Variants in USH2A observed in about 807,000 individuals in gnomAD.
USH2A encodes the protein usherin.
Under a neutral mutation model 538.9 loss-of-function variants are expected in USH2A, and 443 were observed. The observed-to-expected ratio is 0.82, with a 90% CI of 0.76 to 0.89. The LOEUF (loss-of-function observed/expected upper bound fraction) is 0.89, where lower values mean the gene tolerates loss of function less well. Ranked by LOEUF, USH2A falls within the 40% of genes least tolerant of loss-of-function variation. The pLI, the probability that USH2A is intolerant of heterozygous loss-of-function variation, is 0.00. For missense variants in USH2A, 6,633 were observed against 6,324.8 expected, an observed-to-expected ratio of 1.05 and a Z score of -1.65; for synonymous variants, 2,413 against 2,273.5, an observed-to-expected ratio of 1.06 and a Z score of -1.75.
At chr1:216,071,213 TCTC>T (rs2031547177) in intron 29 of USH2A, among the ~76,000 whole-genome samples, 1 of 151,954 alleles carries the variant, frequency 6.6e-6, no homozygotes, top group Non-Finnish European at 1.5e-5. Context: ...CCACATCAAA[TCTC>T]CTCCTCTCCG....
At chr1:215,787,127 T>C (rs984028100) in intron 51 of USH2A, among the ~76,000 whole-genome samples, 9 of 152,212 alleles carry the variant, frequency 5.9e-5, no homozygotes, top group African/African-American at 2.2e-4. Flanking sequence ...GCAAGTCACT[T>C]ATGTTTTCAA....
At chr1:216,346,549 G>A (rs548392939) in intron 4 of USH2A, among the ~76,000 whole-genome samples, 55 of 152,148 alleles carry the variant, frequency 3.6e-4, no homozygotes, top group African/African-American at 1.3e-3. Context: ...GGAATACTTG[G>A]CTCTTTGCAC....
At chr1:215,913,716 T>C (rs1031158997) in intron 38 of USH2A, among the ~76,000 whole-genome samples, 2 of 152,078 alleles carry the variant, frequency 1.3e-5, no homozygotes, top group Admixed American at 1.3e-4. Context: ...ATTTATCATC[T>C]TATTGATATA....
At chr1:216,413,918 G>A (rs1458979061) in intron 3 of USH2A, among the ~76,000 whole-genome samples, 2 of 152,028 alleles carry the variant, frequency 1.3e-5, no homozygotes, top group African/African-American at 2.4e-5. Flanking sequence ...AACTGCTTAA[G>A]GCAAAATATA....
At chr1:216,300,675 A>C (rs894639974) in intron 9 of USH2A, among the ~76,000 whole-genome samples, 1 of 151,912 alleles carries the variant, frequency 6.6e-6, no homozygotes, top group African/African-American at 2.4e-5. Flanking sequence ...CAGCAAAGAC[A>C]ATCTTTCAAA....
rs759061100 is a variant in USH2A at position 215,900,084 on chromosome 1, C to T, written c.7585G>A (p.Ala2529Thr). Residue 2529 changes from alanine (A) to threonine (T), a missense_variant, in exon 40 of 72, where the codon GCA becomes ACA. Coordinates refer to ENST00000307340, the MANE Select transcript of USH2A (RefSeq NM_206933.4). ...AHSSWIPFMT[A>T]EDKPGPVVPP... is the part of the protein sequence containing the mutation. ...TGTTCAGACCACTTACTGTCCTCTG[C>T]GGTCATGAATGGAATCCAAGAACTA... is the stretch of plus-strand genomic sequence containing the variant. The T allele has an allele frequency of 1.1e-5, 17 of 1,613,510 alleles. No homozygotes were observed. Among genetic ancestry groups the T allele is most frequent in the East Asian group, 6.7e-5 (3 of 44,864 alleles).
intron 21 of USH2A, among the ~76,000 whole-genome samples, chr1:216,147,916 C>T (rs1376107072): frequency 1.4e-4 from 20 of 140,642 alleles, no homozygotes; most frequent in African/African-American, 4.0e-4. Context: ...CACTGAAAAT[C>T]GGACTGTTCA....
At chr1:216,284,227 A>C (rs140102731) in intron 11 of USH2A, among the ~76,000 whole-genome samples, 17 of 152,224 alleles carry the variant, frequency 1.1e-4, no homozygotes, top group African/African-American at 3.1e-4. Context: ...CTGTGTCCCC[A>C]CCCAAATCTC....
intron 61 of USH2A, among the ~76,000 whole-genome samples, chr1:215,721,643 A>C (rs550314948): frequency 4.5e-4 from 69 of 152,266 alleles, no homozygotes; most frequent in African/African-American, 1.6e-3. Flanking sequence ...ATATGTATTT[A>C]TGACTTTCAG....
intron 4 of USH2A, among the ~76,000 whole-genome samples, chr1:216,354,667 A>G (rs1205668306): frequency 6.6e-6 from 1 of 152,162 alleles, no homozygotes; most frequent in Non-Finnish European, 1.5e-5. Context: ...AAGACAAGTC[A>G]AATAGAAAGT....
At chr1:215,640,314 C>T (rs892380815) in intron 68 of USH2A, among the ~76,000 whole-genome samples, 1 of 152,162 alleles carries the variant, frequency 6.6e-6, no homozygotes, top group African/African-American at 2.4e-5. Context: ...CCTGGGGACC[C>T]TCCAGTCCTG....
chr1:216,058,868 T>C (rs868544119), intron 30 of USH2A, among the ~76,000 whole-genome samples: 36 of 152,312 alleles, frequency 2.4e-4, no homozygotes, highest in African/African-American at 7.9e-4. Context: ...TTAAGATAAG[T>C]ATATTAATCA....
At chr1:216,314,438 C>A (rs181825658) in intron 9 of USH2A, among the ~76,000 whole-genome samples, 1 of 151,446 alleles carries the variant, frequency 6.6e-6, no homozygotes, top group Non-Finnish European at 1.5e-5. Context: ...ACTAGCATTA[C>A]AATAATTAAA....
At chr1:216,051,489 G>A (rs973928294) in intron 30 of USH2A, among the ~76,000 whole-genome samples, 17 of 152,160 alleles carry the variant, frequency 1.1e-4, no homozygotes, top group African/African-American at 3.1e-4. Flanking sequence ...GGAAACTACC[G>A]TAAGATTCTA....
chr1:215,737,108 A>G (rs1428684072), intron 60 of USH2A, among the ~76,000 whole-genome samples: 1 of 151,980 alleles, frequency 6.6e-6, no homozygotes, highest in East Asian at 1.9e-4. Flanking sequence ...ACATCCATAT[A>G]ACAGAATATT....
intron 37 of USH2A, among the ~76,000 whole-genome samples, chr1:215,957,954 G>A (rs1667109435): frequency 6.6e-6 from 1 of 152,066 alleles, no homozygotes; most frequent in Non-Finnish European, 1.5e-5. Context: ...TGCATGGGTT[G>A]CAAGCACAGC....
At chr1:215,730,010 ATTCT>A (rs1391332318) in intron 60 of USH2A, among the ~76,000 whole-genome samples, 1 of 152,154 alleles carries the variant, frequency 6.6e-6, no homozygotes, top group East Asian at 1.9e-4. Context: ...TGACCCCAAA[ATTCT>A]TTCAACTGTC....
intron 32 of USH2A, among the ~76,000 whole-genome samples, chr1:216,011,255 G>T (rs1432957769): frequency 1.3e-5 from 2 of 151,964 alleles, no homozygotes; most frequent in Non-Finnish European, 2.9e-5. Flanking sequence ...TCTCAAATAT[G>T]CTTTCTTTAC....
intron 3 of USH2A, among the ~76,000 whole-genome samples, chr1:216,401,345 A>T (rs2039300420): frequency 6.6e-6 from 1 of 152,110 alleles, no homozygotes. Context: ...GTGTTCACGT[A>T]ACCTACAGCA....
Sources: gnomAD v4.1 joint callset for allele counts (sites outside exome capture counted in the v4.1 genomes callset) on GRCh38, gnomAD v4.1.1 for gene constraint, MANE v1.5 for transcripts, NCBI Gene and HGNC (gene_info 2026-07-23, HGNC 2026-07-21) for gene names.